Variants in AK9 observed in about 807,000 individuals in gnomAD.
AK9 encodes adenylate kinase 9.
AK9 carries 191 observed loss-of-function variants against 239.6 expected under a neutral mutation model. The ratio of observed to expected loss-of-function variants is 0.80; its 90% CI spans 0.71 to 0.90. The LOEUF (loss-of-function observed/expected upper bound fraction) is 0.90. Ranked by LOEUF, AK9 falls within the 40% of genes least tolerant of loss-of-function variation. AK9 has a pLI of 0.00. For synonymous variants in AK9, 689 were observed against 721.0 expected (o/e 0.96, Z 0.71); for missense variants, 1,995 against 2,214.7 (o/e 0.90, Z 1.99).
At chr6:109,539,676 G>A (rs143239387) in intron 27 of AK9, among the ~76,000 whole-genome samples, 4,392 of 152,190 alleles carry the variant, frequency 0.029, 99 homozygotes, top group East Asian at 0.11. Context: ...GAGGAGAGGC[G>A]CTCTGATTTT....
intron 1 of AK9, among the ~76,000 whole-genome samples, chr6:109,680,639 A>C (rs2128350687): frequency 6.6e-6 from 1 of 152,300 alleles, no homozygotes; most frequent in African/African-American, 2.4e-5. Context: ...GAGCAACCCC[A>C]AGACACATAA....
At chr6:109,532,140 A>G (rs1005508803) in intron 28 of AK9, among the ~76,000 whole-genome samples, 4 of 152,218 alleles carry the variant, frequency 2.6e-5, no homozygotes, top group African/African-American at 7.2e-5. Context: ...CAGAATTGAA[A>G]TTAATAGATG....
chr6:109,507,713 G>A (rs1351020746), intron 33 of AK9, among the ~76,000 whole-genome samples: 1 of 152,202 alleles, frequency 6.6e-6, no homozygotes, highest in African/African-American at 2.4e-5. Context: ...CCCTGCCTCA[G>A]TGCTTTCCAG....
At chr6:109,683,098 G>A (rs1357421337) in intron 1 of AK9, among the ~76,000 whole-genome samples, 1 of 152,114 alleles carries the variant, frequency 6.6e-6, no homozygotes, top group Non-Finnish European at 1.5e-5. Context: ...TTCAACATAT[G>A]CAAATCAATA....
chr6:109,564,846 C>T lies in AK9; in HGVS notation c.2345-1G>A. The T allele has an allele frequency of 3.3e-6, 5 of 1,527,842 alleles. 1 individual carries two copies. In the South Asian group the frequency reaches 6.3e-5, roughly 19 times the overall value. 94.6% of individuals were successfully genotyped at this position (1,527,842 alleles called of 1,614,324 possible). Reference sequence around the variant, plus strand: ...GTAGTTTCCTCGATAGGCTCAGATACTTAAGAAAGAAATCGAATAGTTAGT... The same window carrying T: ...GTAGTTTCCTCGATAGGCTCAGATATTTAAGAAAGAAATCGAATAGTTAGT... On this transcript the variant is annotated splice_acceptor_variant, in intron 21 of 40. Coordinates refer to ENST00000424296, the MANE Select transcript of AK9 (RefSeq NM_001145128.3). LOFTEE classifies it high-confidence loss of function.
chr6:109,675,333 T>G (rs1771548406), intron 2 of AK9, among the ~76,000 whole-genome samples: 1 of 152,230 alleles, frequency 6.6e-6, no homozygotes, highest in Admixed American at 6.5e-5. Flanking sequence ...TAACATAGTA[T>G]TGCGGTATAT....
intron 24 of AK9, among the ~76,000 whole-genome samples, chr6:109,562,745 G>T (rs1037270530): frequency 6.2e-5 from 6 of 96,028 alleles, no homozygotes; most frequent in Non-Finnish European, 9.8e-5. Flanking sequence ...CTGTGAATTG[G>T]GAGGGTTTTT....
At chr6:109,618,692 C>G (rs1381506907) in intron 13 of AK9, among the ~76,000 whole-genome samples, 1 of 152,086 alleles carries the variant, frequency 6.6e-6, no homozygotes, top group Non-Finnish European at 1.5e-5. Context: ...ATTAATCTTT[C>G]CCAAATAGAA....
At chr6:109,493,680 G>C in intron 40 of AK9, 109 bp from the exon 41 acceptor site, 2 of 989,370 alleles carry the variant, frequency 2.0e-6, no homozygotes, top group Non-Finnish European at 3.0e-6. Context: ...TGGTTGAGAA[G>C]ATATCCAAAT....
chr6:109,612,045 T>C lies in AK9; in HGVS notation c.1658A>G (p.Asp553Gly). The C allele has an allele frequency of 2.6e-6, 4 of 1,539,544 alleles. No homozygotes were observed. The highest frequency in any genetic ancestry group is 3.5e-6 in the Non-Finnish European group (4 of 1,141,198). The part of the protein sequence containing the change: ...ETFTFKRHSQ[D>G]ASQDVKLYSD... Reference sequence around the variant, plus strand: ...ATACAACTTTACATCTTGACTAGCATCTTGAGAATGCCTTTTAAATGTGAA... The same window carrying C: ...ATACAACTTTACATCTTGACTAGCACCTTGAGAATGCCTTTTAAATGTGAA... Residue 553 changes from aspartate to glycine, a missense_variant, in exon 16 of 41, where the codon GAT becomes GGT. Asp to Gly is a moderately conservative substitution (Grantham distance 94, BLOSUM62 -1). Around this residue, in one of 5 missense-constraint regions of AK9, gnomAD observed 1,290 missense variants for 1,392.7 expected, o/e 0.93. Transcript: ENST00000424296.
At chr6:109,646,439 G>A (rs1294092591) in intron 8 of AK9, among the ~76,000 whole-genome samples, 2 of 152,118 alleles carry the variant, frequency 1.3e-5, no homozygotes, top group Admixed American at 1.3e-4. Flanking sequence ...TGAGAACTAC[G>A]TGATGCATGC....
At chr6:109,515,236 C>G (rs1451780761) in intron 31 of AK9, among the ~76,000 whole-genome samples, 1 of 152,096 alleles carries the variant, frequency 6.6e-6, no homozygotes, top group Non-Finnish European at 1.5e-5. Context: ...AGGGCAAATC[C>G]CACTGGGTTC....
At chr6:109,675,571 AG>A in intron 2 of AK9, 57 bp downstream of exon 2, 1 of 1,117,020 alleles carries the variant, frequency 9.0e-7, no homozygotes, top group Non-Finnish European at 1.2e-6. Context: ...ATGGTAACTT[AG>A]AAAATTGTGA....
rs539102912 is a variant in AK9, at chr6:109,519,816, T to C, written c.3634-3174A>G. Among the ~76,000 whole-genome samples the C allele has an allele frequency of 3.4e-5, 5 of 145,474 alleles. No individual in the cohort carries two copies. The South Asian group carries it at 1.1e-3, about 32-fold the overall frequency. ...AGCCATTCTGACTGGTGTGAGATGG[T>C]ATCTCACTGTGGTTTTGATTTGCAT... is the stretch of plus-strand genomic sequence containing the variant. On this transcript the variant is annotated intron_variant, in intron 29 of 40. Transcript: ENST00000424296.
intron 15 of AK9, among the ~76,000 whole-genome samples, chr6:109,613,182 T>G (rs1193846877): frequency 1.3e-5 from 2 of 151,162 alleles, no homozygotes; most frequent in African/African-American, 4.8e-5. Flanking sequence ...AAAGAGAAAA[T>G]AATGATTTGA....
intron 38 of AK9, among the ~76,000 whole-genome samples, chr6:109,496,214 A>G (rs995484817): frequency 6.6e-6 from 1 of 152,200 alleles, no homozygotes; most frequent in African/African-American, 2.4e-5. Flanking sequence ...AACAGCAATA[A>G]TACTTTCCAG....
chr6:109,516,596 T>C lies in AK9; in HGVS notation c.3680A>G (p.Glu1227Gly), dbSNP rs1352291025. ...DEEISEEELE[E>G]DNDDIENILE... ...GATGTTTTCAATATCATCATTGTCT[T>C]CTTCAAGTTCTTCCTCACTAATCTC... Residue 1227 changes from glutamate to glycine, a missense_variant, in exon 30 of 41, where the codon GAA (glutamate) becomes GGA (glycine). Physicochemically the swap from Glu to Gly is moderately conservative, Grantham distance 98. This residue lies in a region of AK9 where 1,290 missense variants were observed against 1,392.7 expected (regional missense o/e 0.93). Transcript: ENST00000424296. 2 of 1,550,556 alleles carry C rather than the reference T, an allele frequency of 1.3e-6. No individual in the cohort carries two copies. The highest frequency in any genetic ancestry group is 8.7e-7 in the Non-Finnish European group (1 of 1,146,860).
At chr6:109,590,556 T>C (rs1034631417) in intron 17 of AK9, among the ~76,000 whole-genome samples, 2 of 152,224 alleles carry the variant, frequency 1.3e-5, no homozygotes, top group Non-Finnish European at 2.9e-5. Context: ...CATTTAGTTC[T>C]GCTAGCTTTT....
intron 28 of AK9, among the ~76,000 whole-genome samples, chr6:109,531,516 G>C (rs902853043): frequency 3.9e-5 from 6 of 152,016 alleles, no homozygotes; most frequent in African/African-American, 1.5e-4. Context: ...AGCTGTGTGT[G>C]GCTATTTATA....
Sources: allele counts gnomAD v4.1 joint callset (sites outside exome capture counted in the v4.1 genomes callset), GRCh38; gene constraint gnomAD v4.1.1; regional missense constraint gnomAD v4.1.1; transcripts MANE v1.5; gene names NCBI Gene and HGNC (gene_info 2026-07-23, HGNC 2026-07-21).